Variants in ZNF438 observed in about 807,000 individuals in gnomAD.
ZNF438 encodes zinc finger protein 438.
ZNF438 carries 25 observed loss-of-function variants against 38.0 expected under a neutral mutation model. The ratio of observed to expected loss-of-function variants is 0.66; its 90% CI spans 0.48 to 0.92. The LOEUF (loss-of-function observed/expected upper bound fraction) is 0.92, where lower values mean the gene tolerates loss of function less well. ZNF438 is among the 40% of genes least tolerant of loss of function. The pLI is 0.00. For missense variants in ZNF438, 1,007 were observed against 999.6 expected (o/e 1.01, Z -0.10); for synonymous variants, 372 against 364.1 (o/e 1.02, Z -0.25).
At chr10:31,007,334 T>G (rs1189660765) in intron 1 of ZNF438, among the ~76,000 whole-genome samples, 3 of 147,740 alleles carry the variant, frequency 2.0e-5, no homozygotes, top group African/African-American at 7.7e-5. Flanking sequence ...CTGGCTGAAG[T>G]GCAGTGGCGT....
At chr10:30,872,926 T>C (rs771151803) in intron 4 of ZNF438, among the ~76,000 whole-genome samples, 1 of 152,182 alleles carries the variant, frequency 6.6e-6, no homozygotes, top group East Asian at 1.9e-4. Flanking sequence ...ATAATCACAG[T>C]GAACTACTTC....
At chr10:30,858,255 A>G (rs1388142020) in intron 4 of ZNF438, among the ~76,000 whole-genome samples, 1 of 152,198 alleles carries the variant, frequency 6.6e-6, no homozygotes, top group African/African-American at 2.4e-5. Context: ...TCTATTTTCA[A>G]TTTCATTCGT....
At position 30,927,395 on chromosome 10, in the gene ZNF438, A is replaced by G. The variant is rs79897557; in HGVS notation, c.-115+14180T>C. Among the ~76,000 whole-genome samples, 841 of 152,358 alleles carry G rather than the reference A, an allele frequency of 5.5e-3. 12 individuals are homozygous for G. Among genetic ancestry groups the G allele is most frequent in the African/African-American group, 0.019 (806 of 41,574 alleles). ...GTCCACATATATATGACCTTGGAGG[A>G]AAATGGGCAAGGAAGAACCTTCCAG... On this transcript the variant is annotated intron_variant, in intron 2 of 5. Transcript: ENST00000413025.
At chr10:30,903,195 G>A (rs897289651) in intron 3 of ZNF438, among the ~76,000 whole-genome samples, 6 of 152,126 alleles carry the variant, frequency 3.9e-5, no homozygotes, top group Non-Finnish European at 5.9e-5. Context: ...ACACCTCCCC[G>A]CAAGCCAAGG....
chr10:30,880,655 G>A (rs1192912077), intron 3 of ZNF438, among the ~76,000 whole-genome samples: 1 of 151,702 alleles, frequency 6.6e-6, no homozygotes, highest in Non-Finnish European at 1.5e-5. Flanking sequence ...TAAAAAGGCC[G>A]GATTATCTAG....
intron 1 of ZNF438, among the ~76,000 whole-genome samples, chr10:30,948,661 T>C (rs1444125794): frequency 2.7e-5 from 4 of 150,484 alleles, no homozygotes; most frequent in Admixed American, 1.3e-4. Flanking sequence ...CGATGGAAGA[T>C]GAAATGAATG....
rs372323675 is a variant in ZNF438 at position 30,914,554 on chromosome 10, G to A, written c.-114-5539C>T. Among the ~76,000 whole-genome samples the A allele has an allele frequency of 2.7e-4, 41 of 151,930 alleles. 1 individual carries two copies. The highest frequency in any genetic ancestry group is 1.7e-3 in the East Asian group (9 of 5,176). ...TTACCACTGGGGGGATTGTGTAAGC[G>A]GTGCATGGAACATATATTATCTCTT... On this transcript the variant is annotated intron_variant, in intron 2 of 5. Coordinates refer to ENST00000413025, the Ensembl canonical transcript of ZNF438.
At chr10:30,981,355 TTAC>T (rs1387039028) in intron 1 of ZNF438, among the ~76,000 whole-genome samples, 1 of 152,174 alleles carries the variant, frequency 6.6e-6, no homozygotes, top group Non-Finnish European at 1.5e-5. Context: ...AATCCGAAGT[TTAC>T]TACGTGTTTA....
intron 1 of ZNF438, among the ~76,000 whole-genome samples, chr10:31,027,874 A>T (rs990469746): frequency 2.6e-5 from 4 of 152,164 alleles, no homozygotes; most frequent in East Asian, 1.9e-4. Context: ...ATATATTTTT[A>T]AAAATTCTGA....
intron 1 of ZNF438, among the ~76,000 whole-genome samples, chr10:31,008,126 G>A (rs1200981532): frequency 6.6e-6 from 1 of 152,020 alleles, no homozygotes. Context: ...TTGAGTCATG[G>A]CATAAAAATC....
intron 1 of ZNF438, among the ~76,000 whole-genome samples, chr10:30,949,465 A>T (rs564612785): frequency 7.1e-4 from 108 of 152,374 alleles, no homozygotes; most frequent in Admixed American, 2.2e-3. Context: ...CAAATTGGAC[A>T]AAGGGTCAAG....
chr10:30,976,701 C>T (rs1359081884), intron 1 of ZNF438, among the ~76,000 whole-genome samples: 1 of 151,146 alleles, frequency 6.6e-6, no homozygotes, highest in African/African-American at 2.4e-5. Flanking sequence ...CGTGCCTCTG[C>T]ATTCCAGCCT....
At chr10:31,009,842 CTTTTTT>C (rs34508005) in intron 1 of ZNF438, among the ~76,000 whole-genome samples, 1 of 116,292 alleles carries the variant, frequency 8.6e-6, no homozygotes. Flanking sequence ...CTTATCAATT[CTTTTTT>C]TTTTTTTTTT....
chr10:30,917,258 C>T (rs2043750520), intron 2 of ZNF438, among the ~76,000 whole-genome samples: 1 of 152,088 alleles, frequency 6.6e-6, no homozygotes, highest in South Asian at 2.1e-4. Flanking sequence ...GGAAGCTGGG[C>T]TATTCCAGTT....
chr10:30,866,142 T>A (rs2036393961), intron 4 of ZNF438, among the ~76,000 whole-genome samples: 1 of 152,204 alleles, frequency 6.6e-6, no homozygotes, highest in South Asian at 2.1e-4. Flanking sequence ...TTTTGATCCT[T>A]GAGTACATGC....
At chr10:30,875,800 G>A (rs928099936) in intron 4 of ZNF438, among the ~76,000 whole-genome samples, 20 of 152,224 alleles carry the variant, frequency 1.3e-4, no homozygotes, top group African/African-American at 4.6e-4. Context: ...CTTGGAGCAT[G>A]TTTGGCCTTC....
chr10:30,956,488 C>T (rs1023652627), intron 1 of ZNF438, among the ~76,000 whole-genome samples: 25 of 152,160 alleles, frequency 1.6e-4, no homozygotes, highest in African/African-American at 6.0e-4. Context: ...CCCTACTGTA[C>T]CATAGAACAC....
intron 1 of ZNF438, among the ~76,000 whole-genome samples, chr10:30,966,681 A>AG (rs1204880136): frequency 1.5e-4 from 22 of 151,512 alleles, no homozygotes; most frequent in East Asian, 3.9e-4. Context: ...AAAAAAAAAA[A>AG]AAAGAAAGAA....
At position 30,929,453 on chromosome 10, in the gene ZNF438, C is replaced by T. The variant is rs181412136; in HGVS notation, c.-115+12122G>A. On this transcript the variant is annotated intron_variant, in intron 2 of 5. Transcript: ENST00000413025. ...ATTCCTCCTGGTGGGTTCGTGGTCT[C>T]GCTGGCCTCAGAAGTGAAGCTGCAG... Among the ~76,000 whole-genome samples the T allele has an allele frequency of 2.4e-4, 37 of 152,188 alleles. No individual in the cohort carries two copies. The East Asian group carries it at 6.6e-3, about 27-fold the overall frequency.
Sources: gnomAD v4.1 joint callset for allele counts (sites outside exome capture counted in the v4.1 genomes callset) on GRCh38, gnomAD v4.1.1 for gene constraint, MANE v1.5 for transcripts, NCBI Gene and HGNC (gene_info 2026-07-23, HGNC 2026-07-21) for gene names.